HNF1A: variants seen among roughly 807,000 people sequenced by gnomAD.
HNF1A encodes hepatocyte nuclear factor 1-alpha.
In HNF1A, 21 loss-of-function variants were observed where a neutral mutation model predicts 62.2. The ratio of observed to expected loss-of-function variants is 0.34; its 90% confidence interval spans 0.24 to 0.49. The LOEUF (loss-of-function observed/expected upper bound fraction) is 0.49. Ranked by LOEUF, HNF1A falls within the 20% of genes least tolerant of loss-of-function variation. HNF1A has a pLI of 0.99. For missense variants in HNF1A, 687 were observed against 832.3 expected (o/e 0.83, Z 2.15); for synonymous variants, 374 against 366.8 (o/e 1.02, Z -0.22).
Position 121,001,646 on chromosome 12 carries a change from G to A in HNF1A, c.*454G>A. The A allele has an allele frequency of 2.2e-6, 1 of 448,518 alleles. No homozygotes were observed. Among genetic ancestry groups the A allele is most frequent in the Non-Finnish European group, 4.3e-6 (1 of 233,612 alleles). The allele number at this position is 448,518 out of a possible 1,614,324, so 27.8% of individuals were successfully genotyped here. ...AGAGGCCCTGGATCAGCGTGGCCTT[G>A]TTCTGTCACCAATGTACCCACCGGG... On this transcript the variant is annotated 3_prime_UTR_variant, in exon 10 of 10. Coordinates refer to ENST00000257555, the MANE Select transcript of HNF1A (RefSeq NM_000545.8).
chr12:120,979,055 A>C lies in HNF1A; in HGVS notation c.287A>C (p.Glu96Ala). 6.2e-7 allele frequency: 1 copy of C among 1,612,132 alleles called. No individual in the cohort carries two copies. Residue 96 changes from glutamate to alanine, a missense_variant, in exon 1 of 10, where the codon GAG becomes GCG. This residue lies in a region of HNF1A where 159 missense variants were observed against 154.4 expected (regional missense o/e 1.03). Transcript: ENST00000257555. Reference sequence around the variant, plus strand: ...GAGCTGGAGAACCTCAGCCCTGAGGAGGCGGCCCACCAGAAAGCCGTGGTG... The same window carrying C: ...GAGCTGGAGAACCTCAGCCCTGAGGCGGCGGCCCACCAGAAAGCCGTGGTG... ...LKELENLSPE[E>A]AAHQKAVVET... is the part of the protein sequence containing the mutation.
chr12:120,986,671 C>T (rs548416495), intron 1 of HNF1A, among the ~76,000 whole-genome samples: 1 of 152,354 alleles, frequency 6.6e-6, no homozygotes, highest in African/African-American at 2.4e-5. Flanking sequence ...CCTCTGCCTC[C>T]CGGGTTCAAG....
At chr12:120,997,261 C>A (rs1877156648) in intron 6 of HNF1A, 2 of 1,427,232 alleles carry the variant, frequency 1.4e-6, no homozygotes, top group South Asian at 1.5e-5. Flanking sequence ...TCCCACTAGC[C>A]TAGACAAAGA....
intron 1 of HNF1A, among the ~76,000 whole-genome samples, chr12:120,984,781 C>G (rs181496574): frequency 6.6e-6 from 1 of 151,990 alleles, no homozygotes; most frequent in African/African-American, 2.4e-5. Flanking sequence ...TTTTGAGTCC[C>G]AACTAGATCA....
chr12:120,997,388 A>G (rs1161209473), intron 6 of HNF1A, 86 bp from the exon 7 acceptor site: 19 of 1,434,862 alleles, frequency 1.3e-5, no homozygotes, highest in Non-Finnish European at 1.7e-5. Flanking sequence ...GGGCTCTGGG[A>G]AGGAGAGGTG....
rs571134960 is a variant in HNF1A, at chr12:121,002,057, G to C, written c.*865G>C. 1.9e-6 allele frequency: 1 copy of C among 536,772 alleles called. No individual in the cohort carries two copies. Among genetic ancestry groups the C allele is most frequent in the Non-Finnish European group, 3.6e-6 (1 of 276,692 alleles). The allele number at this position is 536,772 out of a possible 1,614,324, so 33.3% of individuals were successfully genotyped here. On this transcript the variant is annotated 3_prime_UTR_variant, in exon 10 of 10. Coordinates refer to ENST00000257555, the MANE Select transcript of HNF1A (RefSeq NM_000545.8). ...CCTGGTGGGGCAGCTCCTCTGTCTCGAGCGCCCTGCAGACCCTGCCCTTGT... is the reference window on the plus strand; with the variant it reads ...CCTGGTGGGGCAGCTCCTCTGTCTCCAGCGCCCTGCAGACCCTGCCCTTGT...
In HNF1A at chr12:120,996,769, C is replaced by G. The variant is rs1185166090; in HGVS notation, c.1309+27C>G. ...TAAGCTGGTGGGGATGGGTGGGCAC[C>G]TGGGTGGGAGGCTCATGGGGCAACC... is the stretch of plus-strand genomic sequence containing the variant. On this transcript the variant is annotated intron_variant, in intron 6 of 9. Transcript: ENST00000257555. This position sits in a 1 kb window ranked among gnomAD's most constrained non-coding sequence, Gnocchi z 4.5. 6.2e-7 allele frequency: 1 copy of G among 1,611,724 alleles called. No individual in the cohort carries two copies. Among genetic ancestry groups the G allele is most frequent in the African/African-American group, 1.3e-5 (1 of 74,836 alleles).
chr12:120,988,814 C>G lies in HNF1A; in HGVS notation c.327-19C>G. 6.2e-7 allele frequency: 1 copy of G among 1,613,180 alleles called. No individual in the cohort carries two copies. The highest frequency in any genetic ancestry group is 8.5e-7 in the Non-Finnish European group (1 of 1,179,360). On this transcript the variant is annotated intron_variant, in intron 1 of 9. Coordinates refer to ENST00000257555, the MANE Select transcript of HNF1A (RefSeq NM_000545.8). ...GAGACAGCCCTTGCTGAGCAGATCC[C>G]GTCCTTGCCCTCTCCCAGGGAGGAC...
rs1800574 is a variant in HNF1A, at chr12:120,979,061, C to T, written c.293C>T (p.Ala98Val). The T allele has an allele frequency of 0.029, 47,080 of 1,611,476 alleles. 921 individuals are homozygous for T. Among genetic ancestry groups the T allele is most frequent in the South Asian group, 0.067 (6,056 of 90,522 alleles). Residue 98 changes from alanine (A) to valine (V), a missense_variant, in exon 1 of 10, where the codon GCC becomes GTC. This residue lies in a region of HNF1A where 159 missense variants were observed against 154.4 expected (regional missense o/e 1.03). Coordinates refer to ENST00000257555, the MANE Select transcript of HNF1A (RefSeq NM_000545.8). The stretch of plus-strand genomic sequence containing the variant: ...GAGAACCTCAGCCCTGAGGAGGCGG[C>T]CCACCAGAAAGCCGTGGTGGAGACC... ...ELENLSPEEA[A>V]HQKAVVETLL...
chr12:120,984,844 T>C (rs1181944623), intron 1 of HNF1A, among the ~76,000 whole-genome samples: 1 of 151,756 alleles, frequency 6.6e-6, no homozygotes, highest in Non-Finnish European at 1.5e-5. Context: ...CTCTGCAAAA[T>C]GGGCACACCG....
intron 1 of HNF1A, among the ~76,000 whole-genome samples, chr12:120,983,681 G>A (rs963203632): frequency 1.3e-5 from 2 of 151,898 alleles, no homozygotes; most frequent in African/African-American, 4.8e-5. Flanking sequence ...GAGTAGCTGG[G>A]ACCACAGGCA....
At chr12:120,999,127 G>A in intron 7 of HNF1A, 141 bp from the exon 8 acceptor site, 1 of 1,027,378 alleles carries the variant, frequency 9.7e-7, no homozygotes, top group Non-Finnish European at 1.5e-6. Flanking sequence ...CTCCAGTTTT[G>A]AAAATCAGCC....
intron 2 of HNF1A, 145 bp from the exon 3 acceptor site, chr12:120,993,375 A>G: frequency 3.9e-6 from 3 of 764,008 alleles, no homozygotes; most frequent in Non-Finnish European, 6.7e-6. Context: ...TGTCATCAGT[A>G]GATTAGATGA....
At chr12:121,000,994 C>G in intron 9 of HNF1A, 71 bp from the exon 10 acceptor site, 3 of 1,602,908 alleles carry the variant, frequency 1.9e-6, no homozygotes, top group Non-Finnish European at 2.5e-6. Flanking sequence ...TCCTGAGTAC[C>G]CCTAGGGACA....
intron 6 of HNF1A, 50 bp from the exon 7 acceptor site, chr12:120,997,424 G>A (rs753460678): frequency 1.9e-6 from 3 of 1,546,962 alleles, no homozygotes; most frequent in African/African-American, 2.7e-5. Context: ...CTTGGGCAGG[G>A]GTGGGATATA....
At chr12:120,990,890 T>G (rs911795960) in intron 2 of HNF1A, among the ~76,000 whole-genome samples, 1 of 152,198 alleles carries the variant, frequency 6.6e-6, no homozygotes, top group Non-Finnish European at 1.5e-5. Context: ...GATATGTTAT[T>G]TTCTTGCTCT....
chr12:120,987,765 T>C (rs1036847017), intron 1 of HNF1A, among the ~76,000 whole-genome samples: 1 of 10,392 alleles, frequency 9.6e-5, no homozygotes, highest in Non-Finnish European at 2.1e-4. Context: ...ACAAAGTTGA[T>C]CTATCTATCT....
At chr12:120,982,739 C>T (rs193083133) in intron 1 of HNF1A, among the ~76,000 whole-genome samples, 12 of 152,230 alleles carry the variant, frequency 7.9e-5, no homozygotes, top group African/African-American at 2.6e-4. Flanking sequence ...CCTTACCGAA[C>T]GAAACTCTTC....
At chr12:120,980,051 C>G (rs1876172745) in intron 1 of HNF1A, among the ~76,000 whole-genome samples, 1 of 152,108 alleles carries the variant, frequency 6.6e-6, no homozygotes, top group Admixed American at 6.5e-5. Flanking sequence ...ACAGCGCCTG[C>G]TTGAGGAGGT....
Sources: gnomAD v4.1 joint callset for allele counts (sites outside exome capture counted in the v4.1 genomes callset) on GRCh38, gnomAD v4.1.1 for gene constraint, gnomAD v4.1.1 regional missense constraint, Gnocchi (gnomAD v3.1) non-coding constraint, MANE v1.5 for transcripts, NCBI Gene and HGNC (gene_info 2026-07-23, HGNC 2026-07-21) for gene names.